ATXN8OS: variants seen among roughly 807,000 people sequenced by gnomAD.
ATXN8OS encodes ATXN8 opposite strand lncRNA.
At chr13:70,133,036 T>C (rs565162666) in intron 3 of ATXN8OS, among the ~76,000 whole-genome samples, 38 of 152,308 alleles carry the variant, frequency 2.5e-4, no homozygotes, top group Non-Finnish European at 5.3e-4. Context: ...TATCATTGCA[T>C]TGATCAGTAA....
chr13:70,151,007 C>T (rs982866980), intron 4 of ATXN8OS, among the ~76,000 whole-genome samples: 5 of 152,158 alleles, frequency 3.3e-5, no homozygotes, highest in East Asian at 1.9e-4. Context: ...CAAAAATCTG[C>T]ACATATTTAG....
chr13:70,117,981 C>A (rs1416284965), intron 2 of ATXN8OS, among the ~76,000 whole-genome samples: 1 of 152,022 alleles, frequency 6.6e-6, no homozygotes, highest in Non-Finnish European at 1.5e-5. Flanking sequence ...TGATTAATCA[C>A]AACATTGATT....
intron 2 of ATXN8OS, among the ~76,000 whole-genome samples, chr13:70,128,123 A>G (rs1888471207): frequency 6.6e-6 from 1 of 152,098 alleles, no homozygotes; most frequent in South Asian, 2.1e-4. Flanking sequence ...TTGAAAAATA[A>G]CCTTTTGTCA....
intron 2 of ATXN8OS, among the ~76,000 whole-genome samples, chr13:70,123,291 T>C (rs141397040): frequency 9.2e-5 from 14 of 152,226 alleles, no homozygotes; most frequent in Non-Finnish European, 2.1e-4. Context: ...AATAAACTCT[T>C]TAATGGCAAT....
At chr13:70,112,919 AAT>A (rs1491265076) in intron 1 of ATXN8OS, among the ~76,000 whole-genome samples, 1 of 123,050 alleles carries the variant, frequency 8.1e-6, no homozygotes, top group African/African-American at 3.2e-5. Context: ...TTATATATAT[AAT>A]TTTTTTTTTT....
At chr13:70,148,011 T>C (rs1593772472) in intron 4 of ATXN8OS, among the ~76,000 whole-genome samples, 1 of 152,264 alleles carries the variant, frequency 6.6e-6, no homozygotes, top group East Asian at 1.9e-4. Context: ...TTGAAGGAGT[T>C]AAGCTCTGTC....
chr13:70,125,440 C>T (rs557207846), intron 2 of ATXN8OS, among the ~76,000 whole-genome samples: 1 of 152,164 alleles, frequency 6.6e-6, no homozygotes, highest in African/African-American at 2.4e-5. Context: ...CATAATCAGA[C>T]AAAAATTACA....
In ATXN8OS at chr13:70,158,869, G is replaced by A. The variant is rs9599564; in HGVS notation, n.574-10884G>A. ...TAAAATAGGCAGAGGGCCAGATTTA[G>A]TTCATGGGCCATAGTTTGTCAACCT... On this transcript the variant is annotated intron_variant and non_coding_transcript_variant, in intron 4 of 4. Transcript: ENST00000678624. 3.3e-5 allele frequency among the ~76,000 whole-genome samples: 5 copies of A among 152,218 alleles called. No individual in the cohort carries two copies. In the South Asian group the frequency reaches 1.0e-3, roughly 32 times the overall value.
chr13:70,126,120 G>A (rs753588160), intron 2 of ATXN8OS, among the ~76,000 whole-genome samples: 14 of 152,108 alleles, frequency 9.2e-5, no homozygotes, highest in Admixed American at 3.9e-4. Flanking sequence ...CCCCAATTCC[G>A]CAATTATATA....
chr13:70,146,731 A>G (rs1888791345), intron 3 of ATXN8OS, among the ~76,000 whole-genome samples: 1 of 140,846 alleles, frequency 7.1e-6, no homozygotes, highest in Non-Finnish European at 1.5e-5. Flanking sequence ...ACATGGACAC[A>G]GGAAGGGGAA....
chr13:70,116,586 T>TACA (rs1268152215), intron 2 of ATXN8OS, among the ~76,000 whole-genome samples: 4 of 152,146 alleles, frequency 2.6e-5, no homozygotes, highest in Non-Finnish European at 4.4e-5. Flanking sequence ...CCAGATCACT[T>TACA]ACAGGATCTT....
intron 4 of ATXN8OS, among the ~76,000 whole-genome samples, chr13:70,153,098 C>T (rs374080044): frequency 1.6e-4 from 24 of 146,704 alleles, no homozygotes; most frequent in East Asian, 4.0e-4. Flanking sequence ...AGATGTAGAC[C>T]GGGAGAGAAA....
intron 4 of ATXN8OS, among the ~76,000 whole-genome samples, chr13:70,147,446 T>C (rs1236495865): frequency 1.3e-5 from 2 of 152,130 alleles, no homozygotes; most frequent in African/African-American, 2.4e-5. Flanking sequence ...TGTCATTATA[T>C]AGATGGAGCA....
At chr13:70,121,909 G>A (rs1277528867) in intron 2 of ATXN8OS, among the ~76,000 whole-genome samples, 2 of 152,002 alleles carry the variant, frequency 1.3e-5, no homozygotes, top group Non-Finnish European at 2.9e-5. Flanking sequence ...TGAATGAATT[G>A]AAAGGATTTT....
intron 4 of ATXN8OS, among the ~76,000 whole-genome samples, chr13:70,147,450 T>C (rs1242865380): frequency 1.3e-5 from 2 of 152,128 alleles, no homozygotes; most frequent in Admixed American, 1.3e-4. Flanking sequence ...ATTATATAGA[T>C]GGAGCATATG....
exon 5 of ATXN8OS, among the ~76,000 whole-genome samples, chr13:70,171,230 G>A (rs1408604934): frequency 2.0e-5 from 3 of 152,122 alleles, no homozygotes; most frequent in African/African-American, 7.2e-5. Flanking sequence ...AGTTTGAAGA[G>A]TTGGCTGGTG....
At chr13:70,169,378 C>T (rs941129979) in intron 4 of ATXN8OS, among the ~76,000 whole-genome samples, 2 of 152,040 alleles carry the variant, frequency 1.3e-5, no homozygotes, top group Non-Finnish European at 2.9e-5. Flanking sequence ...CTCACTGCAA[C>T]CTCCACCTGC....
chr13:70,126,958 T>C (rs1263554065), intron 2 of ATXN8OS, among the ~76,000 whole-genome samples: 1 of 151,850 alleles, frequency 6.6e-6, no homozygotes, highest in Non-Finnish European at 1.5e-5. Context: ...ATACACTATA[T>C]ATCTATCTAT....
At chr13:70,132,503 T>G (rs1888547969) in intron 3 of ATXN8OS, among the ~76,000 whole-genome samples, 1 of 151,864 alleles carries the variant, frequency 6.6e-6, no homozygotes, top group South Asian at 2.1e-4. Flanking sequence ...AAAAACTAAC[T>G]CTTGGGTACT....
Sources: allele counts gnomAD v4.1 joint callset (sites outside exome capture counted in the v4.1 genomes callset), GRCh38; gene constraint gnomAD v4.1.1; transcripts MANE v1.5; gene names NCBI Gene and HGNC (gene_info 2026-07-23, HGNC 2026-07-21).